The following ERAP1 variants were observed in gnomAD, a reference collection of about 807,000 sequenced individuals.
ERAP1 encodes adipocyte-derived leucine aminopeptidase.
In ERAP1, 86 loss-of-function variants were observed where a neutral mutation model predicts 103.7. The observed-to-expected ratio is 0.83, with a 90% confidence interval of 0.70 to 0.99. The LOEUF is 0.99. Among genes scored for constraint, ERAP1 ranks in the 50% least tolerant of loss-of-function variants. ERAP1 has a pLI of 0.00. For synonymous variants in ERAP1, 398 were observed against 402.4 expected (o/e 0.99, Z 0.13); for missense variants, 1,009 against 1,128.4 (o/e 0.89, Z 1.52).
the ERAP1 span, among the ~76,000 whole-genome samples, chr5:96,852,502 A>G: frequency 3.9e-5 from 6 of 152,218 alleles, no homozygotes; most frequent in Non-Finnish European, 2.9e-5. Context: ...CTTAGGTTTG[A>G]TTTGAAAGAA....
chr5:96,875,118 C>T, the ERAP1 span, among the ~76,000 whole-genome samples: 1 of 152,110 alleles, frequency 6.6e-6, no homozygotes, highest in African/African-American at 2.4e-5. Context: ...CAAGTAACTG[C>T]AAGAAGCTGA....
chr5:96,840,245 C>A, the ERAP1 span, among the ~76,000 whole-genome samples: 4 of 152,190 alleles, frequency 2.6e-5, no homozygotes, highest in African/African-American at 9.7e-5. Context: ...GACTGTGTGA[C>A]TTATTAACCC....
chr5:96,823,110 G>A, the ERAP1 span: 22 of 456,180 alleles, frequency 4.8e-5, no homozygotes, highest in South Asian at 1.7e-4. Flanking sequence ...ATCCCCCAGC[G>A]TGGCTGCCTG....
the ERAP1 span, among the ~76,000 whole-genome samples, chr5:96,838,810 AACACAC>A: frequency 3.3e-5 from 5 of 150,090 alleles, no homozygotes; most frequent in South Asian, 4.2e-4. Flanking sequence ...ACTTGTCTCT[AACACAC>A]ACACACACAC....
At chr5:96,789,367 A>G (rs1776460936) in intron 10 of ERAP1, among the ~76,000 whole-genome samples, 2 of 152,074 alleles carry the variant, frequency 1.3e-5, no homozygotes. Flanking sequence ...TGTGCCTGTA[A>G]TCCCGGCTAC....
intron 15 of ERAP1, among the ~76,000 whole-genome samples, chr5:96,782,195 G>A (rs1775304420): frequency 6.6e-6 from 1 of 151,902 alleles, no homozygotes. Flanking sequence ...TATTTTAGTA[G>A]AGACGGGGTT....
At chr5:96,904,526 C>T in the ERAP1 span, among the ~76,000 whole-genome samples, 2 of 152,162 alleles carry the variant, frequency 1.3e-5, no homozygotes, top group African/African-American at 2.4e-5. Flanking sequence ...TCCCGTGGGT[C>T]TCAGGAACAT....
At chr5:96,799,474 C>A (rs991511363) in intron 3 of ERAP1, among the ~76,000 whole-genome samples, 4 of 152,100 alleles carry the variant, frequency 2.6e-5, no homozygotes, top group African/African-American at 9.7e-5. Flanking sequence ...GTTTTCCTAT[C>A]TTCACTAAGT....
At chr5:96,818,956 C>T in the ERAP1 span, among the ~76,000 whole-genome samples, 23 of 151,586 alleles carry the variant, frequency 1.5e-4, no homozygotes, top group Non-Finnish European at 2.8e-4. Flanking sequence ...GACGGCGTCT[C>T]GCTCTGTCAC....
chr5:96,898,874 G>A, the ERAP1 span, among the ~76,000 whole-genome samples: 76,020 of 152,018 alleles, frequency 0.5, 19,187 homozygotes, highest in Middle Eastern at 0.58. Context: ...CAAGTATTGT[G>A]TTGCTTCTGT....
chr5:96,916,444 A>C, the ERAP1 span, among the ~76,000 whole-genome samples: 1,038 of 147,792 alleles, frequency 7.0e-3, 5 homozygotes, highest in Middle Eastern at 0.014. Context: ...TATTGTTGGT[A>C]ATTCTAGTTA....
chr5:96,789,486 CA>C (rs11427097), intron 10 of ERAP1, among the ~76,000 whole-genome samples: 9 of 147,088 alleles, frequency 6.1e-5, no homozygotes, highest in African/African-American at 1.3e-4. Context: ...GACTCTGTCT[CA>C]AAAAAAAAAG....
intron 5 of ERAP1, among the ~76,000 whole-genome samples, chr5:96,794,642 A>G (rs916013913): frequency 6.6e-6 from 1 of 152,226 alleles, no homozygotes; most frequent in African/African-American, 2.4e-5. Context: ...GGCTTGTGTA[A>G]GAAAGAAAAT....
At chr5:96,783,854 C>A (rs1268232028) in intron 14 of ERAP1, 70 bp downstream of exon 14, 3 of 376,470 alleles carry the variant, frequency 8.0e-6, no homozygotes, top group Non-Finnish European at 1.0e-5. Flanking sequence ...CACACACACA[C>A]ATACACACAC....
Position 96,785,887 on chromosome 5 carries a change from T to A in ERAP1, c.1844A>T (p.Asp615Val). 6.2e-7 allele frequency: 1 copy of A among 1,614,174 alleles called. No homozygotes were observed. Among genetic ancestry groups the A allele is most frequent in the Non-Finnish European group, 8.5e-7 (1 of 1,180,032 alleles). Residue 615 changes from aspartate to valine, a missense_variant, in exon 13 of 19, where the codon GAT becomes GTT. Transcript: ENST00000443439. ...NGYYIVHYED[D>V]GWDSLTGLLK... is the part of the protein sequence containing the mutation. ...AAGGCCAGTCAAAGAGTCCCATCCA[T>A]CATCCTCGTAATGCACAATGTAATA...
chr5:96,889,359 G>A, the ERAP1 span: 1 of 1,588,384 alleles, frequency 6.3e-7, no homozygotes, highest in South Asian at 1.1e-5. Context: ...AACTTGCTTT[G>A]ATCTCTTCCC....
At chr5:96,803,031 A>G (rs553608912) in intron 2 of ERAP1, among the ~76,000 whole-genome samples, 2 of 152,114 alleles carry the variant, frequency 1.3e-5, no homozygotes, top group South Asian at 4.2e-4. Context: ...TAGCCTCCAG[A>G]CCTGAGAGAG....
At chr5:96,825,070 A>T in the ERAP1 span, among the ~76,000 whole-genome samples, 4 of 152,212 alleles carry the variant, frequency 2.6e-5, no homozygotes, top group Admixed American at 2.0e-4. Context: ...TTAATTAATT[A>T]AAAATGTTTC....
chr5:96,884,075 T>A, the ERAP1 span: 10 of 601,352 alleles, frequency 1.7e-5, no homozygotes, highest in African/African-American at 1.4e-4. Context: ...TCTATCTATC[T>A]ATCTATCATC....
Sources: gnomAD v4.1 joint callset for allele counts (sites outside exome capture counted in the v4.1 genomes callset) on GRCh38, gnomAD v4.1.1 for gene constraint, MANE v1.5 for transcripts, NCBI Gene and HGNC (gene_info 2026-07-23, HGNC 2026-07-21) for gene names.